Variants in PELO observed in about 807,000 individuals in gnomAD.
PELO encodes the protein pelota mRNA surveillance and ribosome rescue factor.
In PELO, 19 loss-of-function variants were observed where a neutral mutation model predicts 25.9. The ratio of observed to expected loss-of-function variants is 0.73; its 90% CI spans 0.51 to 1.08. The LOEUF is 1.08. Among genes scored for constraint, PELO ranks in the 50% least tolerant of loss-of-function variants. The probability of loss-of-function intolerance (pLI) is 0.00; values close to 1 mark genes in which losing one functional copy is unlikely to be tolerated. For missense variants in PELO, 498 were observed against 491.4 expected (o/e 1.01, Z -0.13); for synonymous variants, 196 against 192.2 (o/e 1.02, Z -0.16).
At chr5:52,794,896 A>G (rs546031156) in intron 1 of PELO, among the ~76,000 whole-genome samples, 1 of 152,080 alleles carries the variant, frequency 6.6e-6, no homozygotes, top group Admixed American at 6.6e-5. Flanking sequence ...CATGTATAAT[A>G]AAACTAATTG....
intron 1 of PELO, among the ~76,000 whole-genome samples, chr5:52,797,764 T>G (rs1748373807): frequency 6.6e-6 from 1 of 152,202 alleles, no homozygotes; most frequent in Non-Finnish European, 1.5e-5. Flanking sequence ...ATTTCTTAAC[T>G]TCCCCATAGT....
chr5:52,801,796 G>C lies in PELO; in HGVS notation c.1114G>C (p.Glu372Gln). ...VAAILRFPVP[E>Q]LSDQEGDSSS... ...TGCCATTCTCCGCTTCCCTGTTCCC[G>C]AACTTTCTGACCAAGAGGGTGATTC... Residue 372 changes from glutamate to glutamine, a missense_variant, in exon 3 of 3, where the codon GAA becomes CAA. Coordinates refer to ENST00000274311, the MANE Select transcript of PELO (RefSeq NM_015946.5). 1 of 1,613,046 alleles carries C rather than the reference G, an allele frequency of 6.2e-7. No homozygotes were observed. The highest frequency in any genetic ancestry group is 8.5e-7 in the Non-Finnish European group (1 of 1,179,422).
intron 1 of PELO, among the ~76,000 whole-genome samples, chr5:52,796,071 TA>T (rs1005679723): frequency 2.6e-5 from 4 of 152,024 alleles, no homozygotes; most frequent in African/African-American, 9.7e-5. Flanking sequence ...TTTAAACACT[TA>T]AAAAATATTA....
chr5:52,795,331 G>A (rs1748319803), intron 1 of PELO, among the ~76,000 whole-genome samples: 1 of 151,728 alleles, frequency 6.6e-6, no homozygotes, highest in Non-Finnish European at 1.5e-5. Flanking sequence ...AAAAAGATTA[G>A]GTTTGTGTTG....
rs56996823 is a variant in PELO, at chr5:52,794,500, TACACAC to T, written c.-510-5354_-510-5349del. 3.3e-3 allele frequency among the ~76,000 whole-genome samples: 467 copies of T among 141,910 alleles called. 1 individual carries two copies. Among genetic ancestry groups the T allele is most frequent in the African/African-American group, 0.011 (426 of 38,256 alleles). The allele number at this position is 141,910 out of a possible 152,430, so 93.1% of individuals were successfully genotyped here. ...GTATAAGAATACATGCAAATAGAAA[TACACAC>T]ACACACACACACACACACACACACA... On this transcript the variant is annotated intron_variant, in intron 1 of 2. Coordinates refer to ENST00000274311, the MANE Select transcript of PELO (RefSeq NM_015946.5).
At chr5:52,801,219 C>A (rs999826440) in intron 2 of PELO, 99 bp downstream of exon 2, 1 of 1,273,620 alleles carries the variant, frequency 7.9e-7, no homozygotes. Flanking sequence ...AAGAGAAAGT[C>A]TTTACTTAGC....
In PELO at chr5:52,800,048, C is replaced by A. The variant is rs1341171717; in HGVS notation, c.-347C>A. On this transcript the variant is annotated 5_prime_UTR_variant, in exon 2 of 3. Coordinates refer to ENST00000274311, the MANE Select transcript of PELO (RefSeq NM_015946.5). ...TGCGGCCCCGCCTCTCCTTTGGGGA[C>A]GGGAGACGTGCGTCGGGTCGCGGGA... 6.4e-6 allele frequency: 2 copies of A among 312,256 alleles called. No homozygotes were observed. Among genetic ancestry groups the A allele is most frequent in the Admixed American group, 4.9e-5 (1 of 20,602 alleles). 19.3% of individuals were successfully genotyped at this position (312,256 alleles called of 1,614,324 possible).
At chr5:52,795,621 A>G (rs1359725026) in intron 1 of PELO, among the ~76,000 whole-genome samples, 8 of 151,962 alleles carry the variant, frequency 5.3e-5, no homozygotes, top group Admixed American at 5.2e-4. Context: ...AAGATTATCC[A>G]TCAGTCAACT....
intron 1 of PELO, among the ~76,000 whole-genome samples, chr5:52,793,312 T>C (rs1343758644): frequency 6.6e-6 from 1 of 151,986 alleles, no homozygotes; most frequent in Non-Finnish European, 1.5e-5. Flanking sequence ...ACTCAGAAAA[T>C]ACTTAAGGGA....
Position 52,800,375 on chromosome 5 carries a change from A to G in PELO, c.-20A>G. ...CCTCCTTGGTTCCTTTGGTTCTGTC[A>G]GTGAGCCCCTTCCTTGGCCATGAAG... On this transcript the variant is annotated 5_prime_UTR_variant, in exon 2 of 3. Coordinates refer to ENST00000274311, the MANE Select transcript of PELO (RefSeq NM_015946.5). 6.2e-7 allele frequency: 1 copy of G among 1,613,194 alleles called. No individual in the cohort carries two copies. The highest frequency in any genetic ancestry group is 2.2e-5 in the East Asian group (1 of 44,866).
At chr5:52,796,607 T>A (rs1246994530) in intron 1 of PELO, among the ~76,000 whole-genome samples, 1 of 152,028 alleles carries the variant, frequency 6.6e-6, no homozygotes, top group African/African-American at 2.4e-5. Context: ...TATAAGTAAG[T>A]GCCTTAAGAA....
intron 1 of PELO, among the ~76,000 whole-genome samples, chr5:52,792,701 A>C (rs1255731050): frequency 6.6e-6 from 1 of 152,180 alleles, no homozygotes; most frequent in African/African-American, 2.4e-5. Flanking sequence ...CATGTTTAAA[A>C]TATATTTAGA....
Position 52,788,181 on chromosome 5 carries a change from C to T in PELO, c.-744C>T. 1 of 482,582 alleles carries T rather than the reference C, an allele frequency of 2.1e-6. No homozygotes were observed. Among genetic ancestry groups the T allele is most frequent in the East Asian group, 3.6e-5 (1 of 27,962 alleles). The allele number at this position is 482,582 out of a possible 1,614,324, so 29.9% of individuals were successfully genotyped here. A position where few individuals can be genotyped will look rare whatever the true frequency, so the allele number is the denominator to read the frequency against. On this transcript the variant is annotated 5_prime_UTR_variant, in exon 1 of 3. Transcript: ENST00000274311. ...AGCGTGGAGCGCATTTAGAGGAATT[C>T]GACGAAAACACAGGAAATCACTCCT...
chr5:52,796,707 T>C (rs562395535), intron 1 of PELO, among the ~76,000 whole-genome samples: 1 of 152,214 alleles, frequency 6.6e-6, no homozygotes, highest in South Asian at 2.1e-4. Context: ...GAGTGCCTAC[T>C]ATGTGCAAAG....
Position 52,800,451 on chromosome 5 carries a change from C to A in PELO, c.57C>A (p.Val19=), listed in dbSNP as rs11547951. The change falls in exon 2 of 3, where the codon GTC becomes GTA. Residue 19 remains valine, a synonymous_variant. Transcript: ENST00000274311. Reference sequence around the variant, plus strand: ...ACAATGCGGGCCAGGTGACCCTGGTCCCCGAGGAGCCTGAGGACATGTGGC... The same window carrying A: ...ACAATGCGGGCCAGGTGACCCTGGTACCCGAGGAGCCTGAGGACATGTGGC... ...EKDNAGQVTL[V]PEEPEDMWHT... The A allele has an allele frequency of 6.2e-7, 1 of 1,614,030 alleles. No individual in the cohort carries two copies. The highest frequency in any genetic ancestry group is 1.1e-5 in the South Asian group (1 of 91,078).
chr5:52,792,778 T>G (rs551129420), intron 1 of PELO, among the ~76,000 whole-genome samples: 2 of 152,146 alleles, frequency 1.3e-5, no homozygotes, highest in Non-Finnish European at 2.9e-5. Flanking sequence ...TACAAAATAG[T>G]GTACTCAAAT....
In PELO at chr5:52,801,411, A is replaced by T. The variant is rs1221952550; in HGVS notation, c.729A>T (p.Val243=). 1 of 1,610,514 alleles carries T rather than the reference A, an allele frequency of 6.2e-7. No individual in the cohort carries two copies. The highest frequency in any genetic ancestry group is 1.7e-4 in the Middle Eastern group (1 of 5,852). Residue 243 remains valine (V), a splice_region_variant and synonymous_variant, in exon 3 of 3, where the codon GTA becomes GTT. Transcript: ENST00000274311. ...AACTTTTGTAATTGTGATTCTAGGT[A>T]CATGCCTCCTCCGGACACAAGTACT... ...LLENRSKFLQ[V]HASSGHKYSL...
At position 52,788,129 on chromosome 5, in the gene PELO, A is replaced by C. The variant is rs1023443133; in HGVS notation, c.-796A>C. ...GACCAAGAGCGCGAAGGGGCGGGCG[A>C]TGTGGCAATCCGTCTGGGATGTGAA... On this transcript the variant is annotated 5_prime_UTR_variant, in exon 1 of 3. An upstream start codon of the reference 5' UTR is lost. Transcript: ENST00000274311. The C allele has an allele frequency of 9.2e-6, 4 of 433,852 alleles. No individual in the cohort carries two copies. In the East Asian group the frequency reaches 1.1e-4, roughly 12 times the overall value. The allele number at this position is 433,852 out of a possible 1,614,324, so 26.9% of individuals were successfully genotyped here.
At position 52,800,153 on chromosome 5, in the gene PELO, GC is replaced by G. The variant is rs1193342591; in HGVS notation, c.-241del. On this transcript the variant is annotated 5_prime_UTR_variant, in exon 2 of 3. The change abolishes the stop of an existing upstream ORF in the 5' untranslated region. Coordinates refer to ENST00000274311, the MANE Select transcript of PELO (RefSeq NM_015946.5). ...GGGAACTGTGTAGGGGTAGATTTTC[GC>G]TGCAGTGTTCCCCGAGCCTGTTAGA... 1 of 544,550 alleles carries G rather than the reference GC, an allele frequency of 1.8e-6. No homozygotes were observed. The highest frequency in any genetic ancestry group is 3.3e-6 in the Non-Finnish European group (1 of 301,872). 33.7% of individuals were successfully genotyped at this position (544,550 alleles called of 1,614,324 possible).
Sources: gnomAD v4.1 joint callset for allele counts (sites outside exome capture counted in the v4.1 genomes callset) on GRCh38, gnomAD v4.1.1 for gene constraint, MANE v1.5 for transcripts, NCBI Gene and HGNC (gene_info 2026-07-23, HGNC 2026-07-21) for gene names.